CADPS: variants seen among roughly 807,000 people sequenced by gnomAD.
CADPS encodes calcium-dependent secretion activator 1.
CADPS carries 57 observed loss-of-function variants against 167.3 expected under a neutral mutation model. The ratio of observed to expected loss-of-function variants is 0.34; its 90% CI spans 0.28 to 0.42. The LOEUF (loss-of-function observed/expected upper bound fraction) is 0.42. CADPS is among the 20% of genes least tolerant of loss of function. The probability of loss-of-function intolerance (pLI) is 1.00; values close to 1 mark genes in which losing one functional copy is unlikely to be tolerated. For synonymous variants in CADPS, 676 were observed against 635.3 expected, an observed-to-expected ratio of 1.06 and a Z score of -0.96; for missense variants, 1,414 against 1,738.1, an observed-to-expected ratio of 0.81 and a Z score of 3.32.
intron 11 of CADPS, among the ~76,000 whole-genome samples, chr3:62,541,908 C>A (rs1225343842): frequency 6.6e-6 from 1 of 151,982 alleles, no homozygotes; most frequent in Non-Finnish European, 1.5e-5. Flanking sequence ...GATAGACTTG[C>A]AATAATGTCT....
At chr3:62,479,366 C>A (rs144550498) in intron 22 of CADPS, among the ~76,000 whole-genome samples, 262 of 152,330 alleles carry the variant, frequency 1.7e-3, no homozygotes, top group African/African-American at 5.9e-3. Flanking sequence ...TCCTCCCCCC[C>A]ACCCACTTCC....
chr3:62,477,344 A>G (rs2061457092), intron 23 of CADPS, among the ~76,000 whole-genome samples: 1 of 151,494 alleles, frequency 6.6e-6, no homozygotes. Context: ...GAGGAAAAAT[A>G]ATGCAACAGT....
chr3:62,632,494 C>T (rs2065472579), intron 6 of CADPS, among the ~76,000 whole-genome samples: 3 of 152,118 alleles, frequency 2.0e-5, no homozygotes, highest in African/African-American at 7.2e-5. Context: ...TGGGAAGGGT[C>T]CTGGGTCCAA....
chr3:62,566,773 G>A (rs2080295620), intron 9 of CADPS, among the ~76,000 whole-genome samples: 1 of 152,266 alleles, frequency 6.6e-6, no homozygotes, highest in South Asian at 2.1e-4. Context: ...TGTCACAGAG[G>A]TTGTTAAGGG....
intron 21 of CADPS, among the ~76,000 whole-genome samples, chr3:62,490,453 C>T (rs1469801359): frequency 6.6e-6 from 1 of 152,164 alleles, no homozygotes; most frequent in Non-Finnish European, 1.5e-5. Flanking sequence ...GAGACTGACC[C>T]TCTGGAGCCT....
intron 1 of CADPS, among the ~76,000 whole-genome samples, chr3:62,813,760 C>G (rs1194438145): frequency 8.6e-5 from 13 of 151,974 alleles, no homozygotes. Context: ...ATTGAGCAAG[C>G]AAAAAACAAA....
intron 3 of CADPS, among the ~76,000 whole-genome samples, chr3:62,714,886 G>A (rs2084123319): frequency 6.6e-6 from 1 of 152,126 alleles, no homozygotes; most frequent in African/African-American, 2.4e-5. Flanking sequence ...AATTCACTAT[G>A]TATGAAGCTC....
intron 6 of CADPS, among the ~76,000 whole-genome samples, chr3:62,638,652 G>C (rs2066812927): frequency 6.6e-6 from 1 of 152,200 alleles, no homozygotes; most frequent in Non-Finnish European, 1.5e-5. Context: ...TTCACGTTTA[G>C]ATGGAGTATC....
intron 2 of CADPS, among the ~76,000 whole-genome samples, chr3:62,762,111 C>T (rs2085615514): frequency 6.6e-6 from 1 of 152,166 alleles, no homozygotes; most frequent in Non-Finnish European, 1.5e-5. Context: ...AAAGGAATAG[C>T]ACCTCCTCTC....
chr3:62,695,672 T>C (rs746706920), intron 3 of CADPS, among the ~76,000 whole-genome samples: 6 of 149,392 alleles, frequency 4.0e-5, no homozygotes, highest in Non-Finnish European at 7.5e-5. Context: ...GTTGCTTTTT[T>C]GTTTTGTTTT....
chr3:62,664,994 G>T (rs2074147333), intron 3 of CADPS, among the ~76,000 whole-genome samples: 1 of 152,138 alleles, frequency 6.6e-6, no homozygotes, highest in African/African-American at 2.4e-5. Context: ...ATTGGAATAA[G>T]AAAGGAACAA....
chr3:62,401,698 C>T (rs1169349355), intron 29 of CADPS, among the ~76,000 whole-genome samples: 4 of 149,652 alleles, frequency 2.7e-5, no homozygotes, highest in African/African-American at 2.5e-5. Context: ...TTGGCAGTGA[C>T]TTTTCTATAT....
chr3:62,707,108 G>A (rs552754968), intron 3 of CADPS, among the ~76,000 whole-genome samples: 3 of 152,134 alleles, frequency 2.0e-5, no homozygotes, highest in Admixed American at 6.5e-5. Context: ...ACCCACTACC[G>A]GTCCTTGGCC....
intron 3 of CADPS, among the ~76,000 whole-genome samples, chr3:62,711,609 T>C (rs114988772): frequency 0.019 from 2,904 of 152,322 alleles, 85 homozygotes; most frequent in African/African-American, 0.066. Context: ...TGATTTTCCC[T>C]GCAAGGGAGC....
rs1472586855 is a variant in CADPS, at chr3:62,536,539, G to C, written c.2009C>G (p.Ser670Cys). The C allele has an allele frequency of 6.2e-7, 1 of 1,613,298 alleles. No homozygotes were observed. Among genetic ancestry groups the C allele is most frequent in the African/African-American group, 1.3e-5 (1 of 74,998 alleles). The change falls in exon 12 of 30, where the codon TCT becomes TGT. Residue 670 changes from serine to cysteine, a missense_variant. By Grantham distance (112) the Ser-to-Cys change is moderately radical. Transcript: ENST00000383710. Reference sequence around the variant, plus strand: ...GTGGTCAAAGTTACAGGGGTTGGAAGAGATAAATTCATCCATGCCATGTTT... The same window carrying C: ...GTGGTCAAAGTTACAGGGGTTGGAACAGATAAATTCATCCATGCCATGTTT... ...AQKHGMDEFI[S>C]SNPCNFDHAS...
intron 13 of CADPS, among the ~76,000 whole-genome samples, chr3:62,521,230 AT>A (rs1417425966): frequency 6.6e-6 from 1 of 152,106 alleles, no homozygotes; most frequent in African/African-American, 2.4e-5. Flanking sequence ...GAGAAAAAAA[AT>A]ATTAGGTGGG....
In CADPS at chr3:62,478,544, G is replaced by A. The variant is rs1483492630; in HGVS notation, c.3174-128C>T. The A allele has an allele frequency of 1.6e-5, 13 of 819,952 alleles. No homozygotes were observed. The highest frequency in any genetic ancestry group is 5.2e-5 in the African/African-American group (3 of 57,818). The allele number at this position is 819,952 out of a possible 1,614,324, so 50.8% of individuals were successfully genotyped here. ...AACATACAAAACAACGTGTGTTGGC[G>A]GTGGAGGCGGGGGCGAGTCTCCACC... On this transcript the variant is annotated intron_variant, in intron 22 of 29. Coordinates refer to ENST00000383710, the MANE Select transcript of CADPS (RefSeq NM_003716.4). The surrounding 1 kb of genome is among the most constrained non-coding windows in gnomAD (Gnocchi z 5.7).
chr3:62,426,301 C>T (rs545811432), intron 28 of CADPS, among the ~76,000 whole-genome samples: 3 of 152,300 alleles, frequency 2.0e-5, no homozygotes, highest in South Asian at 2.1e-4. Flanking sequence ...CAGGCATGCG[C>T]TGCCATGCTC....
At chr3:62,561,180 C>A (rs1488957052) in intron 9 of CADPS, among the ~76,000 whole-genome samples, 1 of 150,022 alleles carries the variant, frequency 6.7e-6, no homozygotes, top group Non-Finnish European at 1.5e-5. Flanking sequence ...TATGTAGATT[C>A]TTTAAGTCAG....
Sources: allele counts gnomAD v4.1 joint callset (sites outside exome capture counted in the v4.1 genomes callset), GRCh38; gene constraint gnomAD v4.1.1; non-coding constraint Gnocchi (gnomAD v3.1); transcripts MANE v1.5; gene names NCBI Gene and HGNC (gene_info 2026-07-23, HGNC 2026-07-21).